The following PPP1R13B variants were observed in gnomAD, a reference collection of about 807,000 sequenced individuals.
PPP1R13B encodes apoptosis-stimulating of p53 protein 1.
PPP1R13B carries 44 observed loss-of-function variants against 119.8 expected under a neutral mutation model. The ratio of observed to expected loss-of-function variants is 0.37; its 90% CI spans 0.29 to 0.47. PPP1R13B has a LOEUF of 0.47. Ranked by LOEUF, PPP1R13B falls within the 20% of genes least tolerant of loss-of-function variation. The pLI is 0.99. For missense variants in PPP1R13B, 1,227 were observed against 1,413.5 expected (o/e 0.87, Z 2.12); for synonymous variants, 542 against 561.5 (o/e 0.97, Z 0.49).
At chr14:103,822,279 C>A (rs890067076) in intron 1 of PPP1R13B, among the ~76,000 whole-genome samples, 1 of 152,072 alleles carries the variant, frequency 6.6e-6, no homozygotes, top group Non-Finnish European at 1.5e-5. Flanking sequence ...GGACTACAGG[C>A]ACCCACCACC....
chr14:103,848,230 C>T (rs2087119552), upstream of PPP1R13B: 1 of 984,678 alleles, frequency 1.0e-6, no homozygotes, highest in Admixed American at 6.1e-5. Flanking sequence ...CGAGCGATCT[C>T]CCGCCTAGAA....
At chr14:103,811,805 C>G (rs746929579) in intron 1 of PPP1R13B, among the ~76,000 whole-genome samples, 4 of 151,506 alleles carry the variant, frequency 2.6e-5, no homozygotes, top group Non-Finnish European at 5.9e-5. Context: ...ACCTGTAATC[C>G]CAGCACTTTG....
intron 9 of PPP1R13B, among the ~76,000 whole-genome samples, chr14:103,743,537 A>G (rs139210722): frequency 2.6e-5 from 4 of 152,362 alleles, no homozygotes; most frequent in African/African-American, 9.6e-5. Context: ...CCGAAAGTCC[A>G]TTATAACACA....
At position 103,742,986 on chromosome 14, in the gene PPP1R13B, T is replaced by C. The variant is rs1482968470; in HGVS notation, c.1151-163A>G. ...CCAGCCACATGCACAACTGCTGATC[T>C]CCTCCAGCACCCACAGACCCGTGCA... On this transcript the variant is annotated intron_variant, in intron 9 of 16. Coordinates refer to ENST00000202556, the MANE Select transcript of PPP1R13B (RefSeq NM_015316.3). The surrounding 1 kb of genome is among the most constrained non-coding windows in gnomAD (Gnocchi z 4.9). 2 of 747,638 alleles carry C rather than the reference T, an allele frequency of 2.7e-6. No individual in the cohort carries two copies. The highest frequency in any genetic ancestry group is 5.5e-5 in the East Asian group (2 of 36,328). The allele number at this position is 747,638 out of a possible 1,614,324, so 46.3% of individuals were successfully genotyped here. A position where few individuals can be genotyped will look rare whatever the true frequency, so the allele number is the denominator to read the frequency against.
intron 3 of PPP1R13B, among the ~76,000 whole-genome samples, chr14:103,783,424 T>C (rs2085381740): frequency 6.6e-6 from 1 of 151,846 alleles, no homozygotes. Flanking sequence ...CACATCGGGC[T>C]AATTTTTAGC....
intron 4 of PPP1R13B, among the ~76,000 whole-genome samples, chr14:103,771,626 G>A (rs939399213): frequency 4.0e-5 from 6 of 151,760 alleles, no homozygotes; most frequent in Admixed American, 1.3e-4. Context: ...GATTACAGGC[G>A]CCTGCCAGGA....
At position 103,746,291 on chromosome 14, in the gene PPP1R13B, T is replaced by TGGGGGGGGGGGGG; in HGVS notation, c.1150+81_1150+82insCCCCCCCCCCCCC. 3.3e-5 allele frequency: 9 copies of TGGGGGGGGGGGGG among 272,100 alleles called. 1 individual carries two copies. Among genetic ancestry groups the TGGGGGGGGGGGGG allele is most frequent in the Non-Finnish European group, 6.7e-5 (9 of 133,690 alleles). The allele number at this position is 272,100 out of a possible 1,614,324, so 16.9% of individuals were successfully genotyped here. A position where few individuals can be genotyped will look rare whatever the true frequency, so the allele number is the denominator to read the frequency against. On this transcript the variant is annotated intron_variant, in intron 9 of 16. Coordinates refer to ENST00000202556, the MANE Select transcript of PPP1R13B (RefSeq NM_015316.3). Reference sequence around the variant, plus strand: ...TGTGTGGGGCAGAGCCTCAGGAGCCTGCCCCACCCCCCGCCCCTCCACCGC... The same window carrying TGGGGGGGGGGGGG: ...TGTGTGGGGCAGAGCCTCAGGAGCCTGGGGGGGGGGGGGGCCCCACCCCCCGCCCCTCCACCGC...
At chr14:103,778,917 A>G (rs1026820925) in intron 3 of PPP1R13B, 96 bp from the exon 4 acceptor site, 2 of 935,752 alleles carry the variant, frequency 2.1e-6, no homozygotes, top group African/African-American at 3.3e-5. Context: ...ATTGAACACA[A>G]GTGTAAAATA....
chr14:103,756,884 G>A (rs1294737192), intron 5 of PPP1R13B, among the ~76,000 whole-genome samples: 2 of 151,476 alleles, frequency 1.3e-5, no homozygotes, highest in African/African-American at 4.9e-5. Flanking sequence ...TGAGCCTCCC[G>A]AGTAGCTGGG....
In PPP1R13B at chr14:103,808,424, A is replaced by C. The variant is rs1388453126; in HGVS notation, c.10-10906T>G. ...CTTGGGCTACACATAAAATACACTA[A>C]CACTAATGATAGCCAATGAGTTAGA... On this transcript the variant is annotated intron_variant, in intron 1 of 16. Transcript: ENST00000202556. 2.6e-5 allele frequency among the ~76,000 whole-genome samples: 4 copies of C among 152,284 alleles called. No individual in the cohort carries two copies. The East Asian group carries it at 7.7e-4, about 29-fold the overall frequency.
chr14:103,797,346 A>C (rs772366767), intron 2 of PPP1R13B, 25 bp downstream of exon 2: 1 of 1,566,100 alleles, frequency 6.4e-7, no homozygotes, highest in South Asian at 1.2e-5. Context: ...TCAATGTAAC[A>C]ATCTTTACAG....
rs2084968130 is a variant in PPP1R13B, at chr14:103,767,691, C to T, written c.355-9940G>A. 5.3e-5 allele frequency among the ~76,000 whole-genome samples: 8 copies of T among 152,212 alleles called. No individual in the cohort carries two copies. The South Asian group carries it at 1.7e-3, about 32-fold the overall frequency. On this transcript the variant is annotated intron_variant, in intron 4 of 16. Coordinates refer to ENST00000202556, the MANE Select transcript of PPP1R13B (RefSeq NM_015316.3). Reference sequence around the variant, plus strand: ...TCTTGCTCTCGCTCTCCTCCCTCTCCGTGTCCCCTCTCAGTGTCTCCTCCC... The same window carrying T: ...TCTTGCTCTCGCTCTCCTCCCTCTCTGTGTCCCCTCTCAGTGTCTCCTCCC...
chr14:103,792,813 G>A (rs953744913), intron 2 of PPP1R13B, among the ~76,000 whole-genome samples: 10 of 151,984 alleles, frequency 6.6e-5, no homozygotes, highest in African/African-American at 2.2e-4. Flanking sequence ...GCTCATGCCT[G>A]TAATCCCAGC....
intron 6 of PPP1R13B, 108 bp downstream of exon 6, chr14:103,753,962 G>T: frequency 7.6e-7 from 1 of 1,317,832 alleles, no homozygotes; most frequent in Non-Finnish European, 1.0e-6. Context: ...GAGCACGCTT[G>T]CTATTTAGTC....
At chr14:103,824,870 G>A (rs1013846890) in intron 1 of PPP1R13B, among the ~76,000 whole-genome samples, 2 of 152,144 alleles carry the variant, frequency 1.3e-5, no homozygotes, top group Non-Finnish European at 2.9e-5. Flanking sequence ...TTTAGTCAGA[G>A]CACAAATATA....
At chr14:103,763,951 G>C (rs1384321447) in intron 4 of PPP1R13B, 1 of 152,248 alleles carries the variant, frequency 6.6e-6, no homozygotes, top group Non-Finnish European at 1.5e-5. Context: ...TCTGTGTTGA[G>C]TGGTTTCTTT....
intron 4 of PPP1R13B, chr14:103,763,168 C>G: frequency 1.7e-6 from 1 of 602,458 alleles, no homozygotes; most frequent in South Asian, 2.0e-5. Context: ...GAGATGGACC[C>G]GGATTTCAGA....
At chr14:103,748,438 C>A (rs533060683) in intron 8 of PPP1R13B, among the ~76,000 whole-genome samples, 1 of 152,310 alleles carries the variant, frequency 6.6e-6, no homozygotes, top group African/African-American at 2.4e-5. Context: ...GGCCTTCAAG[C>A]CCATGCTGCC....
chr14:103,802,703 A>G (rs939786229), intron 1 of PPP1R13B, among the ~76,000 whole-genome samples: 18 of 152,190 alleles, frequency 1.2e-4, no homozygotes, highest in African/African-American at 4.3e-4. Flanking sequence ...ATGGTATGGC[A>G]GCATTTTGGG....
Sources: gnomAD v4.1 joint callset for allele counts (sites outside exome capture counted in the v4.1 genomes callset) on GRCh38, gnomAD v4.1.1 for gene constraint, Gnocchi (gnomAD v3.1) non-coding constraint, MANE v1.5 for transcripts, NCBI Gene and HGNC (gene_info 2026-07-23, HGNC 2026-07-21) for gene names.